Variants in PCGF5 observed in about 807,000 individuals in gnomAD.
PCGF5 encodes the protein polycomb group RING finger protein 5.
PCGF5 carries 9 observed loss-of-function variants against 44.3 expected under a neutral mutation model. The observed-to-expected ratio is 0.20, with a 90% CI of 0.12 to 0.35. The LOEUF (loss-of-function observed/expected upper bound fraction) is 0.35, where lower values mean the gene tolerates loss of function less well. PCGF5 is among the 10% of genes least tolerant of loss of function. The probability of loss-of-function intolerance (pLI) is 1.00; values close to 1 mark genes in which losing one functional copy is unlikely to be tolerated. For missense variants in PCGF5, 146 were observed against 305.3 expected, an observed-to-expected ratio of 0.48 and a Z score of 3.89; for synonymous variants, 95 against 102.5, an observed-to-expected ratio of 0.93 and a Z score of 0.44.
intron 2 of PCGF5, among the ~76,000 whole-genome samples, chr10:91,238,957 C>T (rs1292413296): frequency 6.6e-6 from 1 of 151,888 alleles, no homozygotes; most frequent in Non-Finnish European, 1.5e-5. Context: ...CAGTGTTATC[C>T]TAATAGCTGT....
intron 9 of PCGF5, 44 bp downstream of exon 9, chr10:91,271,741 T>C (rs199500308): frequency 6.6e-6 from 10 of 1,508,514 alleles, no homozygotes; most frequent in Middle Eastern, 1.7e-4. Flanking sequence ...CATGACACCA[T>C]GGCGGTGAGC....
chr10:91,228,135 A>G (rs528205524), intron 2 of PCGF5, among the ~76,000 whole-genome samples: 2 of 152,242 alleles, frequency 1.3e-5, no homozygotes, highest in South Asian at 4.1e-4. Flanking sequence ...CTAGAAATTG[A>G]TGGCCCTAGA....
At chr10:91,189,011 G>A (rs934783479) in intron 1 of PCGF5, among the ~76,000 whole-genome samples, 1 of 152,222 alleles carries the variant, frequency 6.6e-6, no homozygotes, top group African/African-American at 2.4e-5. Context: ...GGTCTACTGA[G>A]ATAGGTGATT....
intron 9 of PCGF5, among the ~76,000 whole-genome samples, chr10:91,276,760 A>G (rs1441076228): frequency 1.3e-5 from 2 of 152,152 alleles, no homozygotes; most frequent in Non-Finnish European, 2.9e-5. Context: ...TGGCTTATGT[A>G]TTTGCAGAAA....
intron 1 of PCGF5, among the ~76,000 whole-genome samples, chr10:91,176,041 G>A (rs1175761394): frequency 6.6e-5 from 10 of 152,114 alleles, no homozygotes; most frequent in African/African-American, 1.9e-4. Flanking sequence ...TTTTGCAGTG[G>A]CTGGTACCGG....
intron 1 of PCGF5, among the ~76,000 whole-genome samples, chr10:91,194,548 C>T (rs993485550): frequency 6.6e-6 from 1 of 152,150 alleles, no homozygotes; most frequent in African/African-American, 2.4e-5. Flanking sequence ...ATCTGACCTG[C>T]AGAGCTATAA....
intron 1 of PCGF5, among the ~76,000 whole-genome samples, chr10:91,185,721 T>G (rs575398889): frequency 6.6e-6 from 1 of 152,306 alleles, no homozygotes; most frequent in South Asian, 2.1e-4. Context: ...TGGAGTGGTT[T>G]CATGAAGGGT....
At chr10:91,201,113 C>A (rs912395889) in intron 1 of PCGF5, among the ~76,000 whole-genome samples, 3 of 152,122 alleles carry the variant, frequency 2.0e-5, no homozygotes, top group Non-Finnish European at 4.4e-5. Context: ...TGGGAGCTGT[C>A]TTAGTTTGTT....
chr10:91,266,959 C>T (rs11186519), intron 8 of PCGF5, among the ~76,000 whole-genome samples: 148 of 152,124 alleles, frequency 9.7e-4, no homozygotes, highest in African/African-American at 3.4e-3. Context: ...CAGCAGCCAG[C>T]GTGATCCTCT....
At chr10:91,254,846 C>G (rs1845708449) in intron 6 of PCGF5, among the ~76,000 whole-genome samples, 1 of 152,026 alleles carries the variant, frequency 6.6e-6, no homozygotes, top group Non-Finnish European at 1.5e-5. Context: ...TGATATTAAA[C>G]AAAGGCTTAT....
upstream of PCGF5, among the ~76,000 whole-genome samples, chr10:91,162,857 C>A (rs1843411404): frequency 2.0e-5 from 3 of 147,286 alleles, no homozygotes; most frequent in South Asian, 6.3e-4. Context: ...TCGGCGCGCT[C>A]GCCCCGCGCC....
intron 9 of PCGF5, among the ~76,000 whole-genome samples, chr10:91,275,447 T>TA (rs1228469292): frequency 2.7e-5 from 3 of 111,494 alleles, no homozygotes; most frequent in East Asian, 2.0e-4. Flanking sequence ...TACATTTTAT[T>TA]TTTTTTTTTT....
chr10:91,275,778 TAA>T (rs1258509943), intron 9 of PCGF5, among the ~76,000 whole-genome samples: 14 of 152,264 alleles, frequency 9.2e-5, no homozygotes, highest in Admixed American at 2.0e-4. Context: ...AAGACCAGTG[TAA>T]AAGTGTTTAT....
At chr10:91,244,015 G>A (rs1184779186) in intron 3 of PCGF5, among the ~76,000 whole-genome samples, 1 of 152,232 alleles carries the variant, frequency 6.6e-6, no homozygotes, top group East Asian at 1.9e-4. Context: ...AGGTGCTTGA[G>A]GTCCATTCGC....
rs1242191975 is a variant in PCGF5 at position 91,281,698 on chromosome 10, G to T, written c.*3382G>T. 6.6e-6 allele frequency: 1 copy of T among 152,460 alleles called. No homozygotes were observed. The highest frequency in any genetic ancestry group is 1.5e-5 in the Non-Finnish European group (1 of 67,990). The allele number at this position is 152,460 out of a possible 1,614,324, so 9.4% of individuals were successfully genotyped here. On this transcript the variant is annotated 3_prime_UTR_variant, in exon 10 of 10. Transcript: ENST00000336126. ...TTGCAATTTAATTTTATATAGTTAG[G>T]CAATAACCTTGATTAATTGCTAAAA...
intron 9 of PCGF5, among the ~76,000 whole-genome samples, chr10:91,273,427 A>G (rs1436575968): frequency 3.9e-5 from 6 of 152,238 alleles, no homozygotes; most frequent in African/African-American, 7.2e-5. Flanking sequence ...GATCCAAAGT[A>G]TTAGAGAAAA....
chr10:91,198,871 G>A (rs913720609), intron 1 of PCGF5, among the ~76,000 whole-genome samples: 3 of 152,112 alleles, frequency 2.0e-5, no homozygotes, highest in East Asian at 1.9e-4. Flanking sequence ...AGTGTGTTTC[G>A]TATTAGTCTT....
At chr10:91,240,949 C>T (rs1845307908) in intron 3 of PCGF5, among the ~76,000 whole-genome samples, 1 of 150,614 alleles carries the variant, frequency 6.6e-6, no homozygotes, top group South Asian at 2.1e-4. Context: ...TTTAATTTAC[C>T]ATATATTCAA....
At chr10:91,267,648 A>G (rs986179666) in intron 8 of PCGF5, among the ~76,000 whole-genome samples, 2 of 152,162 alleles carry the variant, frequency 1.3e-5, no homozygotes, top group African/African-American at 4.8e-5. Flanking sequence ...ATTACAAATT[A>G]TTATAATATT....
Sources: allele counts gnomAD v4.1 joint callset (sites outside exome capture counted in the v4.1 genomes callset), GRCh38; gene constraint gnomAD v4.1.1; transcripts MANE v1.5; gene names NCBI Gene and HGNC (gene_info 2026-07-23, HGNC 2026-07-21).